Variants in BNIPL observed in about 807,000 individuals in gnomAD.
The protein encoded by BNIPL is bcl-2/adenovirus E1B 19 kDa-interacting protein 2-like protein.
Under a neutral mutation model 47.0 loss-of-function variants are expected in BNIPL, and 33 were observed. The observed-to-expected ratio is 0.70, with a 90% confidence interval of 0.53 to 0.94. BNIPL has a LOEUF of 0.94. BNIPL is among the 40% of genes least tolerant of loss of function. The pLI is 0.00. For synonymous variants in BNIPL, 145 were observed against 162.7 expected, an observed-to-expected ratio of 0.89 and a Z score of 0.83; for missense variants, 404 against 445.2, an observed-to-expected ratio of 0.91 and a Z score of 0.83.
chr1:151,046,786 CCTCAG>C lies in BNIPL; in HGVS notation c.*100_*104del. ...GTTTTGTAAATCATCTTATCCCCAA[CCTCAG>C]TACCACCGGATCTTCACTTCTCAGT... On this transcript the variant is annotated 3_prime_UTR_variant, in exon 10 of 10. Coordinates refer to ENST00000368931, the MANE Select transcript of BNIPL (RefSeq NM_138278.4). 5.3e-6 allele frequency: 5 copies of C among 946,374 alleles called. No homozygotes were observed. Among genetic ancestry groups the C allele is most frequent in the Admixed American group, 4.6e-5 (2 of 43,638 alleles). 58.6% of individuals were successfully genotyped at this position (946,374 alleles called of 1,614,324 possible).
At chr1:151,044,911 T>C (rs1571843120) in intron 7 of BNIPL, 1 of 1,290,392 alleles carries the variant, frequency 7.7e-7, no homozygotes, top group Non-Finnish European at 1.0e-6. Context: ...CATGGAGCGA[T>C]GTAGAAGCAT....
At chr1:151,042,910 G>T in intron 4 of BNIPL, 46 bp from the exon 5 acceptor site, 1 of 1,409,346 alleles carries the variant, frequency 7.1e-7, no homozygotes, top group Non-Finnish European at 9.4e-7. Flanking sequence ...AAAAACTGAA[G>T]GTAGGAAATC....
chr1:151,037,173 C>T (rs1185042428), intron 1 of BNIPL: 1 of 294,980 alleles, frequency 3.4e-6, no homozygotes, highest in African/African-American at 2.2e-5. Context: ...CCATGTTTTC[C>T]CTTAGCCACT....
intron 5 of BNIPL, 21 bp downstream of exon 5, chr1:151,043,159 G>A: frequency 6.2e-7 from 1 of 1,601,226 alleles, no homozygotes; most frequent in Non-Finnish European, 8.6e-7. Context: ...GCATAATGCA[G>A]GTGTTAAGAG....
At chr1:151,039,052 CT>C (rs1315176474) in intron 4 of BNIPL, 26 bp downstream of exon 4, 1 of 1,540,244 alleles carries the variant, frequency 6.5e-7, no homozygotes. Context: ...GAGGACTCAG[CT>C]GGTAGAAGTA....
intron 7 of BNIPL, chr1:151,044,896 T>G (rs1450411181): frequency 1.6e-6 from 2 of 1,289,780 alleles, no homozygotes; most frequent in African/African-American, 3.0e-5. Flanking sequence ...ATAAGTAATC[T>G]TGGTCATGGA....
At chr1:151,044,956 T>G in intron 7 of BNIPL, 1 of 1,286,622 alleles carries the variant, frequency 7.8e-7, no homozygotes, top group Non-Finnish European at 1.0e-6. Flanking sequence ...GAGCACAAGA[T>G]GGAAATGGAG....
intron 4 of BNIPL, among the ~76,000 whole-genome samples, chr1:151,041,379 A>G (rs753485917): frequency 1.3e-5 from 2 of 152,222 alleles, no homozygotes; most frequent in Non-Finnish European, 2.9e-5. Flanking sequence ...TAGATGGATC[A>G]CAATCTGGAG....
chr1:151,042,709 G>A (rs1675869290), intron 4 of BNIPL, among the ~76,000 whole-genome samples: 1 of 151,972 alleles, frequency 6.6e-6, no homozygotes, highest in African/African-American at 2.4e-5. Context: ...AGCTACATGG[G>A]AGCCTGAAGC....
At chr1:151,046,299 G>A in intron 9 of BNIPL, 134 bp downstream of exon 9, 1 of 1,367,972 alleles carries the variant, frequency 7.3e-7, no homozygotes, top group Middle Eastern at 2.0e-4. Flanking sequence ...TAATGTATAT[G>A]GGGAAACTGC....
rs1053798107 is a variant in BNIPL at position 151,037,285 on chromosome 1, T to C, written c.42-282T>C. The C allele has an allele frequency of 1.0e-5, 11 of 1,074,822 alleles. No homozygotes were observed. In the East Asian group the frequency reaches 2.9e-4, roughly 28 times the overall value. 66.6% of individuals were successfully genotyped at this position (1,074,822 alleles called of 1,614,324 possible). A position where few individuals can be genotyped will look rare whatever the true frequency, so the allele number is the denominator to read the frequency against. ...CTAGCTGGGTTCCAGCCACTTGTAA[T>C]GTGGGACATCTCTCACCCCAACTTT... On this transcript the variant is annotated intron_variant, in intron 1 of 9. Coordinates refer to ENST00000368931, the MANE Select transcript of BNIPL (RefSeq NM_138278.4).
intron 7 of BNIPL, 99 bp downstream of exon 7, chr1:151,043,826 T>C: frequency 7.1e-7 from 1 of 1,405,410 alleles, no homozygotes. Context: ...CCTATTTTCT[T>C]TGTCCTTTTA....
Position 151,043,714 on chromosome 1 carries a change from A to G in BNIPL, c.838A>G (p.Thr280Ala). Residue 280 changes from threonine to alanine, a missense_variant, in exon 7 of 10, where the codon ACC (threonine) becomes GCC (alanine). By Grantham distance (58) the Thr-to-Ala change is moderately conservative. Coordinates refer to ENST00000368931, the MANE Select transcript of BNIPL (RefSeq NM_138278.4). Reference sequence around the variant, plus strand: ...AAGCTGGATACGTCAGTGTTACCGTACCCTGGATCGGCGGTGAGACCTGGG... The same window carrying G: ...AAGCTGGATACGTCAGTGTTACCGTGCCCTGGATCGGCGGTGAGACCTGGG... ...PLSWIRQCYR[T>A]LDRRLRKNLR... 1 of 1,613,586 alleles carries G rather than the reference A, an allele frequency of 6.2e-7. No homozygotes were observed. Among genetic ancestry groups the G allele is most frequent in the Non-Finnish European group, 8.5e-7 (1 of 1,179,682 alleles).
rs760313656 is a variant in BNIPL, at chr1:151,046,678, A to AG, written c.1068dup (p.Thr357AspfsTer14). The AG allele has an allele frequency of 1.9e-6, 3 of 1,604,454 alleles. No individual in the cohort carries two copies. The highest frequency in any genetic ancestry group is 1.7e-6 in the Non-Finnish European group (2 of 1,171,322). On this transcript the variant is annotated frameshift_variant, in exon 10 of 10. Coordinates refer to ENST00000368931, the MANE Select transcript of BNIPL (RefSeq NM_138278.4). LOFTEE classifies it high-confidence loss of function. ...TGGACCGGGATCTCCATGGCTCAGG[A>AG]GGGACATAGCACAGGACTGGATAAA...
chr1:151,045,661 G>A, intron 7 of BNIPL, 136 bp from the exon 8 acceptor site: 1 of 1,476,652 alleles, frequency 6.8e-7, no homozygotes, highest in Non-Finnish European at 9.0e-7. Flanking sequence ...ACGGAATGGG[G>A]ATTAGACCCA....
chr1:151,044,793 C>A, intron 7 of BNIPL: 1 of 1,260,224 alleles, frequency 7.9e-7, no homozygotes, highest in Non-Finnish European at 1.0e-6. Context: ...TTTTTTTTCC[C>A]CTTTTGGTTC....
rs148016387 is a variant in BNIPL, at chr1:151,042,170, A to T, written c.434-786A>T. 7.4e-3 allele frequency among the ~76,000 whole-genome samples: 1,122 copies of T among 151,962 alleles called. 18 individuals carry two copies. Among genetic ancestry groups the T allele is most frequent in the African/African-American group, 0.026 (1,073 of 41,450 alleles). ...TGATCATAGTTCACTGCAGCCTTGAACTCCTGGGCATGAGTGATCTTCCCA... is the reference window on the plus strand; with the variant it reads ...TGATCATAGTTCACTGCAGCCTTGATCTCCTGGGCATGAGTGATCTTCCCA... On this transcript the variant is annotated intron_variant, in intron 4 of 9. Transcript: ENST00000368931.
chr1:151,037,472 T>C, intron 1 of BNIPL, 95 bp from the exon 2 acceptor site: 2 of 1,498,760 alleles, frequency 1.3e-6, no homozygotes, highest in Non-Finnish European at 1.8e-6. Flanking sequence ...TGAAGGCCTA[T>C]CCTCTGCTCT....
rs751256301 is a variant in BNIPL, at chr1:151,036,711, G to GGAA, written c.-12_-10dup. ...TCCTAGGTGTTTAAAGAAGGAGGCA[G>GGAA]GAAGACTTGTGAAGATGGGAACTAT... On this transcript the variant is annotated 5_prime_UTR_variant, in exon 1 of 10. Coordinates refer to ENST00000368931, the MANE Select transcript of BNIPL (RefSeq NM_138278.4). 4 of 1,608,438 alleles carry GGAA rather than the reference G, an allele frequency of 2.5e-6. No individual in the cohort carries two copies. In the South Asian group the frequency reaches 4.4e-5, roughly 18 times the overall value.
Sources: gnomAD v4.1 joint callset for allele counts (sites outside exome capture counted in the v4.1 genomes callset) on GRCh38, gnomAD v4.1.1 for gene constraint, MANE v1.5 for transcripts, NCBI Gene and HGNC (gene_info 2026-07-23, HGNC 2026-07-21) for gene names.